The following PLS3 variants were observed in gnomAD, a reference collection of about 807,000 sequenced individuals.
PLS3 encodes the protein plastin 3.
In PLS3, 11 loss-of-function variants were observed where a neutral mutation model predicts 46.5. That is an observed-to-expected ratio of 0.24 (90% confidence interval 0.15 to 0.39). The LOEUF (loss-of-function observed/expected upper bound fraction) is 0.39. Ranked by LOEUF, PLS3 falls within the 10% of genes least tolerant of loss-of-function variation. The pLI is 1.00. For missense variants in PLS3, 308 were observed against 461.8 expected (o/e 0.67, Z 3.05); for synonymous variants, 167 against 162.2 (o/e 1.03, Z -0.22).
intron 1 of PLS3, among the ~76,000 whole-genome samples, chrX:115,599,612 C>T (rs1432277982): frequency 1.1e-5 from 1 of 93,862 alleles, no homozygotes; most frequent in African/African-American, 4.1e-5. Context: ...TCCAGCTATG[C>T]TTGGAGAAAC....
intron 1 of PLS3, among the ~76,000 whole-genome samples, chrX:115,581,760 GT>G (rs782567245): frequency 8.9e-6 from 1 of 112,402 alleles, no homozygotes; most frequent in East Asian, 2.8e-4. Context: ...GTGTATAACT[GT>G]TGGTCTATAA....
chrX:115,618,162 A>G (rs1489447050), intron 2 of PLS3, among the ~76,000 whole-genome samples: 1 of 112,138 alleles, frequency 8.9e-6, no homozygotes, highest in Non-Finnish European at 1.9e-5. Context: ...TCAGTTTCAT[A>G]TAGCTTTGAA....
chrX:115,607,313 T>C (rs1329854037), intron 1 of PLS3, among the ~76,000 whole-genome samples: 1 of 110,420 alleles, frequency 9.1e-6, no homozygotes, highest in African/African-American at 3.3e-5. Flanking sequence ...AAAGCCTAAC[T>C]TCATTACTAA....
At chrX:115,622,084 A>G in intron 2 of PLS3, 162 bp from the exon 3 acceptor site, 1 of 434,120 alleles carries the variant, frequency 2.3e-6, no homozygotes, top group Non-Finnish European at 3.9e-6. Flanking sequence ...TGCTTTTTCC[A>G]TTTAAATGTC....
chrX:115,610,243 A>C lies in PLS3; in HGVS notation c.-8A>C, dbSNP rs2074535128. ...TGAAACGTTTTTGGTTTTTCTTTAG[A>C]TCTTTAAATGGATGAGATGGCTACC... On this transcript the variant is annotated splice_region_variant and 5_prime_UTR_variant, in exon 2 of 16. Coordinates refer to ENST00000355899, the MANE Select transcript of PLS3 (RefSeq NM_005032.7). The C allele has an allele frequency of 9.0e-7, 1 of 1,110,037 alleles. No individual in the cohort carries two copies. Among genetic ancestry groups the C allele is most frequent in the Non-Finnish European group, 1.2e-6 (1 of 825,352 alleles). 91.5% of individuals were successfully genotyped at this position (1,110,037 alleles called of 1,213,427 possible). A position where few individuals can be genotyped will look rare whatever the true frequency, so the allele number is the denominator to read the frequency against.
intron 2 of PLS3, among the ~76,000 whole-genome samples, chrX:115,613,151 A>G (rs1210014068): frequency 1.8e-5 from 2 of 111,471 alleles, no homozygotes; most frequent in East Asian, 2.8e-4. Flanking sequence ...GCAAACACTT[A>G]CCTTGCCTTG....
At chrX:115,614,131 A>ATTT in intron 2 of PLS3, 1 of 116,893 alleles carries the variant, frequency 8.6e-6, no homozygotes, top group Non-Finnish European at 1.7e-5. Flanking sequence ...CGCCCGGCTA[A>ATTT]TTTTTTTTTT....
Position 115,646,623 on chromosome X carries a change from G to A in PLS3, c.1511+88G>A, listed in dbSNP as rs2074954698. The A allele has an allele frequency of 1.7e-5, 13 of 785,184 alleles. No individual in the cohort carries two copies. In the East Asian group the frequency reaches 3.3e-4, roughly 20 times the overall value. 64.7% of individuals were successfully genotyped at this position (785,184 alleles called of 1,213,427 possible). ...ACTGTGTTTAATAAGTGGATATGTC[G>A]ATAACTACACTTTTGAAATATGTTA... On this transcript the variant is annotated intron_variant, in intron 13 of 15. Transcript: ENST00000355899.
intron 1 of PLS3, among the ~76,000 whole-genome samples, chrX:115,609,423 G>A (rs1444543109): frequency 2.7e-5 from 3 of 111,521 alleles, no homozygotes; most frequent in Non-Finnish European, 5.6e-5. Context: ...ACAATTTTTT[G>A]GTAATACAAT....
At chrX:115,603,283 AAAAC>A (rs2074462200) in intron 1 of PLS3, among the ~76,000 whole-genome samples, 1 of 111,322 alleles carries the variant, frequency 9.0e-6, no homozygotes, top group Non-Finnish European at 1.9e-5. Flanking sequence ...CTTTTATGAA[AAAAC>A]AAACAAACAA....
At chrX:115,604,144 C>T (rs1193839727) in intron 1 of PLS3, among the ~76,000 whole-genome samples, 1 of 111,957 alleles carries the variant, frequency 8.9e-6, no homozygotes, top group African/African-American at 3.2e-5. Flanking sequence ...CCTTTAGGCC[C>T]ATCCTTCTTA....
chrX:115,592,727 CAT>C (rs2074353986), intron 1 of PLS3, among the ~76,000 whole-genome samples: 1 of 111,673 alleles, frequency 9.0e-6, no homozygotes, highest in Non-Finnish European at 1.9e-5. Context: ...ATTTATGACA[CAT>C]ATTAAATCAT....
At chrX:115,561,565 TG>T (rs1489012867) in intron 1 of PLS3, among the ~76,000 whole-genome samples, 1 of 112,124 alleles carries the variant, frequency 8.9e-6, no homozygotes, top group African/African-American at 3.2e-5. Flanking sequence ...CTTAACTTGT[TG>T]CCAGTCTTGG....
At chrX:115,633,976 C>T in intron 5 of PLS3, 24 bp from the exon 6 acceptor site, 1 of 817,883 alleles carries the variant, frequency 1.2e-6, no homozygotes, top group East Asian at 3.1e-5. Context: ...TTTACATCAG[C>T]CTTTTTTTAA....
intron 1 of PLS3, among the ~76,000 whole-genome samples, chrX:115,564,435 A>C (rs1395090114): frequency 8.9e-6 from 1 of 112,294 alleles, no homozygotes; most frequent in Non-Finnish European, 1.9e-5. Context: ...GTGACTGTTT[A>C]TACTGGCAGA....
At chrX:115,588,541 CAAAT>C (rs1290644870) in intron 1 of PLS3, among the ~76,000 whole-genome samples, 2 of 111,965 alleles carry the variant, frequency 1.8e-5, no homozygotes, top group African/African-American at 3.2e-5. Flanking sequence ...TATTTTTAAA[CAAAT>C]AAATATCTTA....
At chrX:115,602,604 C>G (rs1389057147) in intron 1 of PLS3, among the ~76,000 whole-genome samples, 1 of 111,092 alleles carries the variant, frequency 9.0e-6, no homozygotes, top group Non-Finnish European at 1.9e-5. Flanking sequence ...TGACAACACC[C>G]CTTTTCTGAT....
intron 1 of PLS3, among the ~76,000 whole-genome samples, chrX:115,598,932 T>C (rs1222865222): frequency 8.9e-6 from 1 of 111,935 alleles, no homozygotes; most frequent in Non-Finnish European, 1.9e-5. Flanking sequence ...ACTGAACTCA[T>C]TGTCTATATT....
intron 1 of PLS3, among the ~76,000 whole-genome samples, chrX:115,604,491 G>A (rs1312954597): frequency 8.9e-6 from 1 of 111,955 alleles, no homozygotes; most frequent in Non-Finnish European, 1.9e-5. Flanking sequence ...GGCTGAGACA[G>A]ATTAATTAAA....
Sources: allele counts gnomAD v4.1 joint callset (sites outside exome capture counted in the v4.1 genomes callset), GRCh38; gene constraint gnomAD v4.1.1; transcripts MANE v1.5; gene names NCBI Gene and HGNC (gene_info 2026-07-23, HGNC 2026-07-21).